ARHGAP24: variants seen among roughly 807,000 people sequenced by gnomAD.
ARHGAP24 encodes rho GTPase-activating protein 24.
Under a neutral mutation model 76.4 loss-of-function variants are expected in ARHGAP24, and 50 were observed. The observed-to-expected ratio is 0.65, with a 90% CI of 0.52 to 0.83. ARHGAP24 has a LOEUF of 0.83. Among genes scored for constraint, ARHGAP24 ranks in the 40% least tolerant of loss-of-function variants. ARHGAP24 has a pLI of 0.00. For synonymous variants in ARHGAP24, 345 were observed against 323.3 expected, an observed-to-expected ratio of 1.07 and a Z score of -0.72; for missense variants, 930 against 914.2, an observed-to-expected ratio of 1.02 and a Z score of -0.22.
At chr4:85,497,789 C>T (rs1034062661) in intron 1 of ARHGAP24, among the ~76,000 whole-genome samples, 5 of 152,082 alleles carry the variant, frequency 3.3e-5, no homozygotes, top group African/African-American at 1.2e-4. Context: ...CATTGCACTC[C>T]AGTCTGGGTG....
At chr4:85,964,694 T>G (rs1269113140) in intron 5 of ARHGAP24, among the ~76,000 whole-genome samples, 1 of 152,164 alleles carries the variant, frequency 6.6e-6, no homozygotes, top group Non-Finnish European at 1.5e-5. Flanking sequence ...ATAATTTTTT[T>G]CAGTTTAGGG....
intron 1 of ARHGAP24, among the ~76,000 whole-genome samples, chr4:85,546,704 T>C (rs1324357965): frequency 6.6e-6 from 1 of 152,216 alleles, no homozygotes; most frequent in Non-Finnish European, 1.5e-5. Context: ...ACTTGAAACC[T>C]ATTGGTGGTG....
Position 85,479,647 on chromosome 4 carries a change from A to G in ARHGAP24, c.-21+4088A>G, listed in dbSNP as rs190483873. On this transcript the variant is annotated intron_variant, in intron 1 of 9. Coordinates refer to ENST00000395184, the MANE Select transcript of ARHGAP24 (RefSeq NM_001025616.3). Reference sequence around the variant, plus strand: ...GAAATTTAGAGGGGCAGCTTCTTTCATGTTATAGTTTCTTTATTGTATTGA... The same window carrying G: ...GAAATTTAGAGGGGCAGCTTCTTTCGTGTTATAGTTTCTTTATTGTATTGA... Among the ~76,000 whole-genome samples the G allele has an allele frequency of 2.5e-4, 38 of 152,300 alleles. No homozygotes were observed. In the East Asian group the frequency reaches 7.3e-3, roughly 29 times the overall value.
chr4:85,526,262 G>A (rs770686054), intron 1 of ARHGAP24, among the ~76,000 whole-genome samples: 15 of 151,966 alleles, frequency 9.9e-5, no homozygotes, highest in Non-Finnish European at 1.6e-4. Flanking sequence ...TTAGCTGGGC[G>A]TGGTAGTGTA....
chr4:85,671,044 C>T (rs1255933536), intron 2 of ARHGAP24, among the ~76,000 whole-genome samples: 1 of 152,156 alleles, frequency 6.6e-6, no homozygotes, highest in Non-Finnish European at 1.5e-5. Context: ...CGAGATAAAT[C>T]TAAATTACTT....
At chr4:85,685,535 A>G (rs1723385936) in intron 2 of ARHGAP24, among the ~76,000 whole-genome samples, 1 of 151,746 alleles carries the variant, frequency 6.6e-6, no homozygotes. Flanking sequence ...CAGGAGGCTG[A>G]GGCAGGAGAA....
chr4:85,778,795 A>C (rs77044196), intron 3 of ARHGAP24: 9 of 985,334 alleles, frequency 9.1e-6, no homozygotes, highest in Non-Finnish European at 1.1e-5. Flanking sequence ...AGAAAACTTA[A>C]ATATAGCTAC....
intron 3 of ARHGAP24, among the ~76,000 whole-genome samples, chr4:85,783,776 A>C (rs1409790580): frequency 6.6e-6 from 1 of 151,606 alleles, no homozygotes; most frequent in African/African-American, 2.4e-5. Context: ...AACATTTTTA[A>C]ATAGCTGTCA....
chr4:85,930,755 A>G, intron 4 of ARHGAP24: 1 of 1,364,578 alleles, frequency 7.3e-7, no homozygotes, highest in Non-Finnish European at 9.5e-7. Context: ...ACAGGAGTAA[A>G]TGAGAGGTGG....
intron 4 of ARHGAP24, among the ~76,000 whole-genome samples, chr4:85,939,466 T>C (rs1736831413): frequency 6.6e-6 from 1 of 152,170 alleles, no homozygotes; most frequent in African/African-American, 2.4e-5. Context: ...GAGCCCCAAT[T>C]TTCCATGTAT....
chr4:85,996,542 T>G (rs1740672191), intron 9 of ARHGAP24, among the ~76,000 whole-genome samples: 1 of 152,210 alleles, frequency 6.6e-6, no homozygotes, highest in Admixed American at 6.5e-5. Context: ...ATATGTTTCC[T>G]ATCCATTCAT....
chr4:85,510,636 A>G (rs1022400088), intron 1 of ARHGAP24, among the ~76,000 whole-genome samples: 1 of 95,786 alleles, frequency 1.0e-5, no homozygotes, highest in Non-Finnish European at 2.0e-5. Flanking sequence ...TGTCCTTCCC[A>G]GGTTCTCCAG....
rs182995112 is a variant in ARHGAP24, at chr4:85,719,244, C to G, written c.181-2641C>G. On this transcript the variant is annotated intron_variant, in intron 2 of 9. Coordinates refer to ENST00000395184, the MANE Select transcript of ARHGAP24 (RefSeq NM_001025616.3). ...TCTAGCAATTTTTTAAAAATTACTTCAAAGGTAGGGAAACAAAATGGGAAA... is the reference window on the plus strand; with the variant it reads ...TCTAGCAATTTTTTAAAAATTACTTGAAAGGTAGGGAAACAAAATGGGAAA... Among the ~76,000 whole-genome samples the G allele has an allele frequency of 1.1e-3, 166 of 152,114 alleles. 1 individual carries two copies. The highest frequency in any genetic ancestry group is 3.9e-3 in the African/African-American group (163 of 41,494).
At chr4:85,803,929 T>C (rs1249637011) in intron 3 of ARHGAP24, among the ~76,000 whole-genome samples, 1 of 151,714 alleles carries the variant, frequency 6.6e-6, no homozygotes, top group African/African-American at 2.4e-5. Flanking sequence ...AATGGACAAA[T>C]TCTTTTTTTT....
intron 5 of ARHGAP24, among the ~76,000 whole-genome samples, chr4:85,956,395 C>T (rs534721166): frequency 6.6e-6 from 1 of 152,292 alleles, no homozygotes; most frequent in Non-Finnish European, 1.5e-5. Context: ...CTCTCATTCA[C>T]ATACTACCCT....
At chr4:85,876,309 C>G (rs2665871) in intron 3 of ARHGAP24, among the ~76,000 whole-genome samples, 151,190 of 152,294 alleles carry the variant, frequency 0.99, 75,058 homozygotes, top group Middle Eastern at 1. Context: ...TAATGGGATT[C>G]GCTTGTGCTT....
At chr4:86,000,450 C>G in intron 9 of ARHGAP24, 29 bp from the exon 10 acceptor site, 1 of 528,430 alleles carries the variant, frequency 1.9e-6, no homozygotes, top group Non-Finnish European at 3.1e-6. Flanking sequence ...TGCGTCCCCA[C>G]CCCCCACCCC....
chr4:85,845,560 G>C (rs1404600811), intron 3 of ARHGAP24, among the ~76,000 whole-genome samples: 1 of 152,064 alleles, frequency 6.6e-6, no homozygotes, highest in Non-Finnish European at 1.5e-5. Flanking sequence ...TGCCTTCCCA[G>C]GATTTTTCCC....
chr4:85,723,743 G>A (rs1405021610), intron 3 of ARHGAP24: 1 of 152,126 alleles, frequency 6.6e-6, no homozygotes, highest in Non-Finnish European at 1.5e-5. Context: ...TGAAGACAGA[G>A]CTGGAAAGAC....
Sources: allele counts gnomAD v4.1 joint callset (sites outside exome capture counted in the v4.1 genomes callset), GRCh38; gene constraint gnomAD v4.1.1; transcripts MANE v1.5; gene names NCBI Gene and HGNC (gene_info 2026-07-23, HGNC 2026-07-21).